The following ZNF565 variants were observed in gnomAD, a reference collection of about 807,000 sequenced individuals.
ZNF565 encodes the protein zinc finger protein 565.
ZNF565 carries 27 observed loss-of-function variants against 39.4 expected under a neutral mutation model. That is an observed-to-expected ratio of 0.69 (90% CI 0.51 to 0.95). ZNF565 has a LOEUF of 0.95. Among genes scored for constraint, ZNF565 ranks in the 40% least tolerant of loss-of-function variants. The probability of loss-of-function intolerance (pLI) is 0.00; values close to 1 mark genes in which losing one functional copy is unlikely to be tolerated. For synonymous variants in ZNF565, 185 were observed against 216.6 expected (o/e 0.85, Z 1.28); for missense variants, 524 against 621.1 (o/e 0.84, Z 1.66).
At chr19:36,209,525 CA>C (rs1328715721) in intron 1 of ZNF565, among the ~76,000 whole-genome samples, 5 of 150,796 alleles carry the variant, frequency 3.3e-5, no homozygotes, top group African/African-American at 1.2e-4. Flanking sequence ...AAACAAAAAA[CA>C]AACCAACAAA....
At chr19:36,203,752 T>C (rs1331109840) in intron 1 of ZNF565, among the ~76,000 whole-genome samples, 1 of 151,888 alleles carries the variant, frequency 6.6e-6, no homozygotes, top group Non-Finnish European at 1.5e-5. Flanking sequence ...ATTTTTTGTA[T>C]TTTTAGTAGA....
At chr19:36,228,972 T>G (rs1334404900) in intron 1 of ZNF565, among the ~76,000 whole-genome samples, 1 of 152,160 alleles carries the variant, frequency 6.6e-6, no homozygotes, top group Non-Finnish European at 1.5e-5. Context: ...TCATCATTTT[T>G]GTGTGTTTCA....
At chr19:36,191,808 A>C (rs1014611489) in intron 4 of ZNF565, among the ~76,000 whole-genome samples, 1 of 152,190 alleles carries the variant, frequency 6.6e-6, no homozygotes, top group Admixed American at 6.5e-5. Flanking sequence ...AACATTAGAC[A>C]AGTGACAGAG....
At chr19:36,239,064 C>A (rs751014049) in intron 1 of ZNF565, among the ~76,000 whole-genome samples, 1 of 152,184 alleles carries the variant, frequency 6.6e-6, no homozygotes, top group Non-Finnish European at 1.5e-5. Context: ...CCCCACAAAC[C>A]GTCCGTGGAA....
chr19:36,240,869 C>CAA (rs72407392), intron 1 of ZNF565, among the ~76,000 whole-genome samples: 6 of 134,896 alleles, frequency 4.4e-5, no homozygotes, highest in African/African-American at 1.1e-4. Context: ...GACTCTATCT[C>CAA]AAAAAAAAAA....
intron 1 of ZNF565, among the ~76,000 whole-genome samples, chr19:36,244,318 G>C (rs574656643): frequency 2.0e-5 from 3 of 152,150 alleles, no homozygotes; most frequent in Non-Finnish European, 4.4e-5. Context: ...CCGGGAGGCC[G>C]AGGCGAGCGA....
At chr19:36,218,221 G>GTATAGTATA (rs1368375207), upstream of ZNF565, 1 of 151,348 alleles carries the variant, frequency 6.6e-6, no homozygotes, top group African/African-American at 2.4e-5. Flanking sequence ...TTGGGCCTCA[G>GTATAGTATA]TTGCTCATTT....
intron 4 of ZNF565, among the ~76,000 whole-genome samples, chr19:36,188,329 TG>T (rs1975388618): frequency 6.6e-6 from 1 of 150,788 alleles, no homozygotes. Flanking sequence ...CACTCCAGCC[TG>T]GGCGACAAAG....
chr19:36,194,394 C>A, intron 3 of ZNF565, 66 bp from the exon 4 acceptor site: 2 of 1,331,016 alleles, frequency 1.5e-6, no homozygotes, highest in South Asian at 1.5e-5. Context: ...GTTCCCTGGT[C>A]ACCATGGAAA....
In ZNF565 at chr19:36,245,327, G is replaced by A. The variant is rs530218130; in HGVS notation, c.55+149C>T. ...TATGACCCCAGCTCAGTTCTAAGCCGAGGGGCTGCTGCCGGACATTCTAGG... is the reference window on the plus strand; with the variant it reads ...TATGACCCCAGCTCAGTTCTAAGCCAAGGGGCTGCTGCCGGACATTCTAGG... On this transcript the variant is annotated intron_variant, in intron 1 of 4. Transcript: ENST00000355114. The surrounding 1 kb of genome is among the most constrained non-coding windows in gnomAD (Gnocchi z 4.4). 1.2e-5 allele frequency: 8 copies of A among 646,224 alleles called. No homozygotes were observed. The highest frequency in any genetic ancestry group is 5.4e-5 in the African/African-American group (3 of 55,458). The allele number at this position is 646,224 out of a possible 1,614,324, so 40.0% of individuals were successfully genotyped here.
chr19:36,222,043 C>T (rs1976870150), intron 1 of ZNF565, among the ~76,000 whole-genome samples: 1 of 150,248 alleles, frequency 6.7e-6, no homozygotes, highest in African/African-American at 2.4e-5. Context: ...GATCTTCCTG[C>T]CTCAGCCGCC....
chr19:36,206,534 TTA>T (rs1272085011), intron 1 of ZNF565, among the ~76,000 whole-genome samples: 1 of 152,096 alleles, frequency 6.6e-6, no homozygotes, highest in Admixed American at 6.6e-5. Flanking sequence ...ATATTCCTAA[TTA>T]TATGTCAGGT....
intron 1 of ZNF565, chr19:36,236,268 G>C: frequency 1.3e-6 from 1 of 765,032 alleles, no homozygotes; most frequent in Non-Finnish European, 2.0e-6. Flanking sequence ...TACTGAGTAT[G>C]ATAACATTTC....
chr19:36,202,322 G>A (rs1476836224), intron 1 of ZNF565, among the ~76,000 whole-genome samples: 3 of 151,982 alleles, frequency 2.0e-5, no homozygotes, highest in African/African-American at 7.3e-5. Context: ...AGCCGAGACT[G>A]CACCACTGCC....
chr19:36,224,304 A>C (rs2438516), intron 1 of ZNF565, among the ~76,000 whole-genome samples: 96,523 of 152,066 alleles, frequency 0.63, 30,844 homozygotes, highest in Middle Eastern at 0.71. Flanking sequence ...TCGCTTGAAC[A>C]TAGGAGGGCG....
chr19:36,211,600 T>A (rs1259519766), intron 1 of ZNF565, among the ~76,000 whole-genome samples: 1 of 151,692 alleles, frequency 6.6e-6, no homozygotes, highest in African/African-American at 2.4e-5. Flanking sequence ...GAGACCATCC[T>A]GGCTAACACG....
chr19:36,225,109 A>G (rs574945934), intron 1 of ZNF565, among the ~76,000 whole-genome samples: 6 of 152,310 alleles, frequency 3.9e-5, no homozygotes, highest in Non-Finnish European at 5.9e-5. Flanking sequence ...TTTTTACATT[A>G]GATAAGATAC....
At chr19:36,187,010 G>A (rs909466342) in intron 4 of ZNF565, among the ~76,000 whole-genome samples, 1 of 151,974 alleles carries the variant, frequency 6.6e-6, no homozygotes, top group Non-Finnish European at 1.5e-5. Flanking sequence ...GACCAACATG[G>A]AGAAACCCTG....
At chr19:36,192,814 T>G (rs1975609316) in intron 4 of ZNF565, among the ~76,000 whole-genome samples, 1 of 151,558 alleles carries the variant, frequency 6.6e-6, no homozygotes, top group Admixed American at 6.6e-5. Context: ...TAAAATGGTT[T>G]TTTTTTTGGT....
Sources: allele counts gnomAD v4.1 joint callset (sites outside exome capture counted in the v4.1 genomes callset), GRCh38; gene constraint gnomAD v4.1.1; non-coding constraint Gnocchi (gnomAD v3.1); transcripts MANE v1.5; gene names NCBI Gene and HGNC (gene_info 2026-07-23, HGNC 2026-07-21).